Variants in C4orf36 observed in about 807,000 individuals in gnomAD.
C4orf36 encodes uncharacterized protein C4orf36.
Under a neutral mutation model 12.2 loss-of-function variants are expected in C4orf36, and 11 were observed. That is an observed-to-expected ratio of 0.90 (90% CI 0.57 to 1.49). The LOEUF (loss-of-function observed/expected upper bound fraction) is 1.49, where lower values mean the gene tolerates loss of function less well. C4orf36 is among the 40% of genes most tolerant of loss of function. C4orf36 has a pLI of 0.00. For missense variants in C4orf36, 137 were observed against 133.9 expected (o/e 1.02, Z -0.11); for synonymous variants, 54 against 51.3 (o/e 1.05, Z -0.22).
At chr4:86,909,308 A>G in the C4orf36 span, among the ~76,000 whole-genome samples, 13 of 152,304 alleles carry the variant, frequency 8.5e-5, no homozygotes, top group South Asian at 2.7e-3. Flanking sequence ...CAAAGTAAAG[A>G]TTCTAAGCAA....
At chr4:86,891,676 A>C (rs1481423822) in intron 1 of C4orf36, 83 bp from the exon 2 acceptor site, 7 of 1,305,542 alleles carry the variant, frequency 5.4e-6, no homozygotes, top group Non-Finnish European at 7.2e-6. Context: ...TCTGAATGTC[A>C]GAAAGTCCTT....
chr4:86,930,269 A>C, the C4orf36 span, among the ~76,000 whole-genome samples: 1 of 152,216 alleles, frequency 6.6e-6, no homozygotes, highest in African/African-American at 2.4e-5. Flanking sequence ...TGAAAACCCC[A>C]TTGCCAGCTC....
At chr4:86,914,532 C>T in the C4orf36 span, 1 of 471,064 alleles carries the variant, frequency 2.1e-6, no homozygotes, top group Non-Finnish European at 3.8e-6. Flanking sequence ...TCCCGGGTAG[C>T]TGGGATTACA....
upstream of C4orf36, among the ~76,000 whole-genome samples, chr4:86,892,594 G>A (rs1231536609): frequency 1.3e-5 from 2 of 152,258 alleles, no homozygotes; most frequent in African/African-American, 4.8e-5. Context: ...AGAGAGGGCT[G>A]TAAGCCAGAC....
the C4orf36 span, among the ~76,000 whole-genome samples, chr4:86,904,387 G>T: frequency 6.6e-6 from 1 of 152,206 alleles, no homozygotes; most frequent in Admixed American, 6.5e-5. Flanking sequence ...AGGGCTCCTC[G>T]AGTGCGACCA....
At chr4:86,922,148 A>C in the C4orf36 span, among the ~76,000 whole-genome samples, 12 of 152,252 alleles carry the variant, frequency 7.9e-5, no homozygotes, top group Non-Finnish European at 8.8e-5. Context: ...ATTTATTTAA[A>C]AGATGGAAAA....
In C4orf36 at chr4:86,892,204, A is replaced by C; in HGVS notation, c.-95T>G. The C allele has an allele frequency of 1.0e-6, 1 of 985,340 alleles. No homozygotes were observed. Among genetic ancestry groups the C allele is most frequent in the Non-Finnish European group, 1.2e-6 (1 of 830,002 alleles). 61.0% of individuals were successfully genotyped at this position (985,340 alleles called of 1,614,324 possible). ...ACACCTGGGCCCCACCCTGCCTCCG[A>C]CTCGCCAGGAATGCGCTGTGTGCGC... On this transcript the variant is annotated 5_prime_UTR_variant, in exon 1 of 5. Coordinates refer to ENST00000295898, the MANE Select transcript of C4orf36 (RefSeq NM_144645.4).
chr4:86,931,360 C>T, the C4orf36 span, among the ~76,000 whole-genome samples: 1,310 of 152,226 alleles, frequency 8.6e-3, 25 homozygotes, highest in African/African-American at 0.03. Flanking sequence ...CTCATCTACA[C>T]CGCTTTCCCC....
the C4orf36 span, among the ~76,000 whole-genome samples, chr4:86,898,179 G>T: frequency 6.6e-6 from 1 of 151,632 alleles, no homozygotes; most frequent in African/African-American, 2.4e-5. Flanking sequence ...ATCACTTGAG[G>T]CCAGGGGATC....
At chr4:86,910,537 T>C in the C4orf36 span, among the ~76,000 whole-genome samples, 106 of 149,488 alleles carry the variant, frequency 7.1e-4, no homozygotes, top group African/African-American at 2.4e-3. Flanking sequence ...TGTGAAAATA[T>C]CATCCCAAGG....
At chr4:86,919,243 T>C in the C4orf36 span, among the ~76,000 whole-genome samples, 2 of 151,984 alleles carry the variant, frequency 1.3e-5, no homozygotes, top group Non-Finnish European at 2.9e-5. Flanking sequence ...CTTGAACTCT[T>C]GAACACACTT....
At chr4:86,913,636 C>A in the C4orf36 span, 2 of 1,556,016 alleles carry the variant, frequency 1.3e-6, no homozygotes, top group Non-Finnish European at 1.8e-6. Flanking sequence ...CTGTGTGAGA[C>A]CTGCACACTT....
the C4orf36 span, chr4:86,913,905 T>G: frequency 8.4e-7 from 1 of 1,187,042 alleles, no homozygotes; most frequent in South Asian, 1.3e-5. Context: ...CTCGGCTCAC[T>G]ACGAACTCTC....
intron 4 of C4orf36, among the ~76,000 whole-genome samples, chr4:86,879,565 A>C (rs13137483): frequency 0.33 from 49,612 of 152,034 alleles, 8,534 homozygotes; most frequent in Non-Finnish European, 0.37. Flanking sequence ...ACAGACCAAT[A>C]TATGCATGAT....
the C4orf36 span, among the ~76,000 whole-genome samples, chr4:86,909,606 T>G: frequency 1.3e-5 from 2 of 152,190 alleles, no homozygotes; most frequent in African/African-American, 4.8e-5. Flanking sequence ...TATGGAATAC[T>G]CCTCTGTTCA....
the C4orf36 span, among the ~76,000 whole-genome samples, chr4:86,911,483 G>C: frequency 6.6e-6 from 1 of 152,144 alleles, no homozygotes; most frequent in East Asian, 1.9e-4. Context: ...ATATGGGACT[G>C]GAAATCCCCT....
At chr4:86,904,519 T>C in the C4orf36 span, among the ~76,000 whole-genome samples, 8 of 140,816 alleles carry the variant, frequency 5.7e-5, no homozygotes, top group Admixed American at 6.1e-4. Context: ...GAGGGGGAGG[T>C]TGCAGTGAGC....
the C4orf36 span, among the ~76,000 whole-genome samples, chr4:86,922,241 ATTG>A: frequency 1.3e-5 from 2 of 152,226 alleles, no homozygotes; most frequent in Admixed American, 6.5e-5. Flanking sequence ...AATCTTTTAC[ATTG>A]TTATTAGTTT....
intron 2 of C4orf36, among the ~76,000 whole-genome samples, chr4:86,891,228 T>C (rs937090376): frequency 6.6e-6 from 1 of 151,298 alleles, no homozygotes; most frequent in African/African-American, 2.4e-5. Context: ...GAACCTCAGT[T>C]TTCTCACTTG....
Sources: allele counts gnomAD v4.1 joint callset (sites outside exome capture counted in the v4.1 genomes callset), GRCh38; gene constraint gnomAD v4.1.1; transcripts MANE v1.5; gene names NCBI Gene and HGNC (gene_info 2026-07-23, HGNC 2026-07-21).